Variants in FAM135B observed in about 807,000 individuals in gnomAD.
FAM135B encodes protein FAM135B.
Under a neutral mutation model 127.7 loss-of-function variants are expected in FAM135B, and 43 were observed. That is an observed-to-expected ratio of 0.34 (90% CI 0.26 to 0.43). The LOEUF (loss-of-function observed/expected upper bound fraction) is 0.43. Ranked by LOEUF, FAM135B falls within the 20% of genes least tolerant of loss-of-function variation. The pLI, the probability that FAM135B is intolerant of heterozygous loss-of-function variation, is 1.00. For missense variants in FAM135B, 1,558 were observed against 1,725.6 expected, an observed-to-expected ratio of 0.90 and a Z score of 1.72; for synonymous variants, 670 against 665.1, an observed-to-expected ratio of 1.01 and a Z score of -0.11.
intron 3 of FAM135B, among the ~76,000 whole-genome samples, chr8:138,306,015 C>T (rs1183445338): frequency 1.3e-5 from 2 of 152,124 alleles, no homozygotes; most frequent in Non-Finnish European, 2.9e-5. Context: ...AATTTGAGTA[C>T]TGAGACACAC....
At chr8:138,235,596 G>A (rs1050803642) in intron 7 of FAM135B, among the ~76,000 whole-genome samples, 1 of 152,192 alleles carries the variant, frequency 6.6e-6, no homozygotes, top group Non-Finnish European at 1.5e-5. Flanking sequence ...ATAAGAAGAA[G>A]AGCCTACTTA....
chr8:138,139,678 A>G (rs994225677), intron 17 of FAM135B, among the ~76,000 whole-genome samples: 1 of 152,180 alleles, frequency 6.6e-6, no homozygotes, highest in East Asian at 1.9e-4. Context: ...AGGCAGAAGA[A>G]TTGCTTGAAC....
chr8:138,460,390 A>G (rs1837050880), intron 1 of FAM135B, among the ~76,000 whole-genome samples: 1 of 152,180 alleles, frequency 6.6e-6, no homozygotes, highest in Non-Finnish European at 1.5e-5. Flanking sequence ...CCTTCTTCCA[A>G]ATGCAAAACA....
chr8:138,150,859 T>C (rs1167657600), intron 13 of FAM135B, among the ~76,000 whole-genome samples: 1 of 152,070 alleles, frequency 6.6e-6, no homozygotes, highest in Non-Finnish European at 1.5e-5. Flanking sequence ...ATTAAACATT[T>C]ACAATTGCCA....
At chr8:138,488,688 G>C (rs1396271959) in intron 1 of FAM135B, among the ~76,000 whole-genome samples, 2 of 152,170 alleles carry the variant, frequency 1.3e-5, no homozygotes, top group Admixed American at 6.5e-5. Flanking sequence ...TTGTTTGTGA[G>C]AGGGAGTCTC....
At chr8:138,364,432 T>C (rs1391074743) in intron 2 of FAM135B, among the ~76,000 whole-genome samples, 3 of 152,132 alleles carry the variant, frequency 2.0e-5, no homozygotes, top group African/African-American at 7.2e-5. Context: ...GAGGTCTAAT[T>C]CACTTCACCA....
intron 1 of FAM135B, among the ~76,000 whole-genome samples, chr8:138,388,677 G>C (rs1219189269): frequency 1.3e-5 from 2 of 152,186 alleles, no homozygotes; most frequent in Admixed American, 1.3e-4. Context: ...CCAAATATAT[G>C]ATGTTGTAGA....
intron 1 of FAM135B, among the ~76,000 whole-genome samples, chr8:138,417,484 G>A (rs1834235111): frequency 1.3e-5 from 2 of 152,108 alleles, no homozygotes; most frequent in Non-Finnish European, 2.9e-5. Flanking sequence ...ATCTCCCCTG[G>A]CTGCCACTGG....
chr8:138,266,683 C>G (rs1372289582), intron 3 of FAM135B, among the ~76,000 whole-genome samples: 1 of 145,280 alleles, frequency 6.9e-6, no homozygotes, highest in East Asian at 2.0e-4. Context: ...AATAGCACTG[C>G]CCAGGGTTAT....
At chr8:138,135,047 C>T (rs1052648960) in intron 19 of FAM135B, among the ~76,000 whole-genome samples, 3 of 152,128 alleles carry the variant, frequency 2.0e-5, no homozygotes, top group South Asian at 2.1e-4. Flanking sequence ...TTCCAGGACG[C>T]GCAGTGTAAC....
chr8:138,339,892 G>C (rs527313351), intron 2 of FAM135B, among the ~76,000 whole-genome samples: 5 of 152,304 alleles, frequency 3.3e-5, no homozygotes, highest in African/African-American at 7.2e-5. Context: ...GCTGATGGGG[G>C]AGTGGAAGCG....
chr8:138,334,859 T>C (rs920227305), intron 2 of FAM135B, among the ~76,000 whole-genome samples: 35 of 152,192 alleles, frequency 2.3e-4, no homozygotes, highest in African/African-American at 8.2e-4. Context: ...AACATACGCA[T>C]ACATGTGTCT....
intron 1 of FAM135B, among the ~76,000 whole-genome samples, chr8:138,389,480 T>C (rs901238923): frequency 2.5e-4 from 38 of 152,364 alleles, no homozygotes; most frequent in African/African-American, 8.9e-4. Context: ...TAGGATATTA[T>C]TCAGCCATCA....
chr8:138,133,472 GTTC>G (rs1235507182), intron 19 of FAM135B, among the ~76,000 whole-genome samples: 1 of 152,188 alleles, frequency 6.6e-6, no homozygotes, highest in Non-Finnish European at 1.5e-5. Flanking sequence ...CCAGCCCTGT[GTTC>G]TTCTTTTCTG....
At chr8:138,259,017 CTATTT>C (rs1822336076) in intron 4 of FAM135B, among the ~76,000 whole-genome samples, 1 of 152,152 alleles carries the variant, frequency 6.6e-6, no homozygotes, top group Non-Finnish European at 1.5e-5. Flanking sequence ...TATACATATA[CTATTT>C]TATTTAATGT....
intron 12 of FAM135B, among the ~76,000 whole-genome samples, chr8:138,154,421 C>T (rs919842817): frequency 1.3e-5 from 2 of 152,166 alleles, no homozygotes; most frequent in Admixed American, 6.5e-5. Context: ...AGCAACAGAA[C>T]AAAGTTGGAT....
intron 3 of FAM135B, among the ~76,000 whole-genome samples, chr8:138,310,095 T>A (rs1327240230): frequency 6.6e-6 from 1 of 152,078 alleles, no homozygotes; most frequent in Non-Finnish European, 1.5e-5. Context: ...GGTCTCAAAC[T>A]CCTGACCTCA....
At chr8:138,304,550 A>G (rs1021247128) in intron 3 of FAM135B, among the ~76,000 whole-genome samples, 16 of 152,164 alleles carry the variant, frequency 1.1e-4, no homozygotes, top group Admixed American at 5.2e-4. Flanking sequence ...CATTCTTTCT[A>G]TAAGTCCATT....
intron 1 of FAM135B, among the ~76,000 whole-genome samples, chr8:138,449,727 CCT>C (rs957080292): frequency 1.3e-5 from 2 of 152,116 alleles, no homozygotes; most frequent in Non-Finnish European, 2.9e-5. Flanking sequence ...CCATAAACCC[CCT>C]GTCCCCACAC....
Sources: gnomAD v4.1 joint callset for allele counts (sites outside exome capture counted in the v4.1 genomes callset) on GRCh38, gnomAD v4.1.1 for gene constraint, MANE v1.5 for transcripts, NCBI Gene and HGNC (gene_info 2026-07-23, HGNC 2026-07-21) for gene names.